KIF17: variants seen among roughly 807,000 people sequenced by gnomAD.
KIF17 encodes kinesin-like protein KIF17.
Under a neutral mutation model 96.8 loss-of-function variants are expected in KIF17, and 80 were observed. That is an observed-to-expected ratio of 0.83 (90% CI 0.69 to 1.00). The LOEUF (loss-of-function observed/expected upper bound fraction) is 1.00, where lower values mean the gene tolerates loss of function less well. Among genes scored for constraint, KIF17 ranks in the 50% least tolerant of loss-of-function variants. The probability of loss-of-function intolerance (pLI) is 0.00; values close to 1 mark genes in which losing one functional copy is unlikely to be tolerated. For synonymous variants in KIF17, 567 were observed against 587.5 expected, an observed-to-expected ratio of 0.97 and a Z score of 0.51; for missense variants, 1,280 against 1,372.9, an observed-to-expected ratio of 0.93 and a Z score of 1.07.
rs1370202614 is a variant in KIF17, at chr1:20,717,802, C to A, written c.-96G>T. On this transcript the variant is annotated 5_prime_UTR_variant, in exon 1 of 15. Transcript: ENST00000400463. ...CAAGGGGCGGGGCCAGCGCCGGCCA[C>A]GGGGGGCGGGGCCTTGAGGCAGGGG... The A allele has an allele frequency of 1.5e-6, 2 of 1,311,980 alleles. No homozygotes were observed. The highest frequency in any genetic ancestry group is 1.9e-6 in the Non-Finnish European group (2 of 1,028,638). 81.3% of individuals were successfully genotyped at this position (1,311,980 alleles called of 1,614,324 possible).
intron 3 of KIF17, among the ~76,000 whole-genome samples, chr1:20,711,568 C>T (rs1439885463): frequency 6.6e-6 from 1 of 152,134 alleles, no homozygotes; most frequent in African/African-American, 2.4e-5. Context: ...GGGAGGGGAG[C>T]CCTTGACACT....
Position 20,664,125 on chromosome 1 carries a change from C to T in KIF17, c.*459G>A, listed in dbSNP as rs1020787821. On this transcript the variant is annotated 3_prime_UTR_variant, in exon 15 of 15. Coordinates refer to ENST00000400463, the MANE Select transcript of KIF17 (RefSeq NM_001122819.3). ...GACCTGCTGTGGGACCCCTGTGCCA[C>T]CCCATGGGGCAGGGCAGTGCTTAGG... 1 of 246,574 alleles carries T rather than the reference C, an allele frequency of 4.1e-6. No individual in the cohort carries two copies. The highest frequency in any genetic ancestry group is 8.0e-6 in the Non-Finnish European group (1 of 124,866). 15.3% of individuals were successfully genotyped at this position (246,574 alleles called of 1,614,324 possible).
chr1:20,695,031 T>A (rs930567449), intron 6 of KIF17, among the ~76,000 whole-genome samples: 1 of 152,030 alleles, frequency 6.6e-6, no homozygotes, highest in Middle Eastern at 3.4e-3. Context: ...GGCACACACA[T>A]GCAGGCACAC....
In KIF17 at chr1:20,690,352, G is replaced by GGCCCCCA; in HGVS notation, c.1234-18_1234-17insTGGGGGC. 5 of 451,128 alleles carry GGCCCCCA rather than the reference G, an allele frequency of 1.1e-5. No individual in the cohort carries two copies. Among genetic ancestry groups the GGCCCCCA allele is most frequent in the Non-Finnish European group, 1.3e-5 (3 of 235,116 alleles). The allele number at this position is 451,128 out of a possible 1,614,324, so 27.9% of individuals were successfully genotyped here. A position where few individuals can be genotyped will look rare whatever the true frequency, so the allele number is the denominator to read the frequency against. ...TTCATACTCCTGGGGGGGTGGGAGGGACCAGAGGGCAGGCAGCATTTTATC... is the reference window on the plus strand; with the variant it reads ...TTCATACTCCTGGGGGGGTGGGAGGGGCCCCCAACCAGAGGGCAGGCAGCATTTTATC... On this transcript the variant is annotated splice_polypyrimidine_tract_variant and intron_variant, in intron 6 of 14. Transcript: ENST00000400463.
rs1377646785 is a variant in KIF17 at position 20,712,671 on chromosome 1, GATA to G, written c.480+780_480+782del. Among the ~76,000 whole-genome samples the G allele has an allele frequency of 5.3e-4, 36 of 67,594 alleles. 7 individuals are homozygous for G. Among genetic ancestry groups the G allele is most frequent in the East Asian group, 2.5e-3 (8 of 3,138 alleles). The allele number at this position is 67,594 out of a possible 152,430, so 44.3% of individuals were successfully genotyped here. A position where few individuals can be genotyped will look rare whatever the true frequency, so the allele number is the denominator to read the frequency against. On this transcript the variant is annotated intron_variant, in intron 3 of 14. Transcript: ENST00000400463. ...GATAATATTATCTATATATAATATA[GATA>G]ATATTATCTATATATAATATAGATA...
intron 5 of KIF17, among the ~76,000 whole-genome samples, chr1:20,701,414 G>T (rs1332853936): frequency 6.6e-6 from 1 of 152,080 alleles, no homozygotes; most frequent in African/African-American, 2.4e-5. Context: ...CTGGGCGGCA[G>T]AGCAAGACTC....
In KIF17 at chr1:20,682,620, A is replaced by G. The variant is rs202095343; in HGVS notation, c.2463+33T>C. 52 of 1,598,584 alleles carry G rather than the reference A, an allele frequency of 3.3e-5. 1 individual carries two copies. In the East Asian group the frequency reaches 6.0e-4, roughly 19 times the overall value. ...CGGGGGGTCTCACCCATCTCTGGGC[A>G]GCTGGGCATGGGGGGCTGCATCTGG... On this transcript the variant is annotated intron_variant, in intron 11 of 14. Coordinates refer to ENST00000400463, the MANE Select transcript of KIF17 (RefSeq NM_001122819.3).
chr1:20,696,049 G>A (rs530448537), intron 6 of KIF17, among the ~76,000 whole-genome samples: 517 of 152,280 alleles, frequency 3.4e-3, no homozygotes, highest in Non-Finnish European at 5.1e-3. Context: ...TATGATGCCT[G>A]TTCTGCAGAT....
chr1:20,685,057 G>C lies in KIF17; in HGVS notation c.2020-37C>G. On this transcript the variant is annotated intron_variant, in intron 9 of 14. Transcript: ENST00000400463. The surrounding 1 kb of genome is among the most constrained non-coding windows in gnomAD (Gnocchi z 4.1). ...GAGAAACCCAGGTGGAGGTGGGAAG[G>C]CCGCCCCAACCCCCGCCGACAGCTC... 6.5e-7 allele frequency: 1 copy of C among 1,529,614 alleles called. No homozygotes were observed. Among genetic ancestry groups the C allele is most frequent in the Non-Finnish European group, 8.9e-7 (1 of 1,125,598 alleles). The allele number at this position is 1,529,614 out of a possible 1,614,324, so 94.8% of individuals were successfully genotyped here. A position where few individuals can be genotyped will look rare whatever the true frequency, so the allele number is the denominator to read the frequency against.
At chr1:20,707,275 T>C (rs2054358926) in intron 4 of KIF17, among the ~76,000 whole-genome samples, 1 of 152,170 alleles carries the variant, frequency 6.6e-6, no homozygotes. Flanking sequence ...CATCGTGGCA[T>C]GACTTGCAGC....
In KIF17 at chr1:20,685,276, C is replaced by T. The variant is rs2053917639; in HGVS notation, c.2020-256G>A. ...CCTCCCACAATCCAGTCTCCACAGGCAGCCAGGGCCATCTTAAAATAGAAA... is the reference window on the plus strand; with the variant it reads ...CCTCCCACAATCCAGTCTCCACAGGTAGCCAGGGCCATCTTAAAATAGAAA... On this transcript the variant is annotated intron_variant, in intron 9 of 14. Coordinates refer to ENST00000400463, the MANE Select transcript of KIF17 (RefSeq NM_001122819.3). The surrounding 1 kb of genome is among the most constrained non-coding windows in gnomAD (Gnocchi z 4.1). 1.0e-5 allele frequency: 7 copies of T among 667,554 alleles called. No homozygotes were observed. In the South Asian group the frequency reaches 1.1e-4, roughly 10 times the overall value. 41.4% of individuals were successfully genotyped at this position (667,554 alleles called of 1,614,324 possible).
chr1:20,691,580 A>G (rs923956654), intron 6 of KIF17, among the ~76,000 whole-genome samples: 3 of 150,376 alleles, frequency 2.0e-5, no homozygotes, highest in Non-Finnish European at 3.0e-5. Flanking sequence ...CAGCCTCCCA[A>G]GTAGCTGGGA....
chr1:20,690,314 G>T lies in KIF17; in HGVS notation c.1255C>A (p.Arg419=), dbSNP rs369702366. 1 of 1,610,550 alleles carries T rather than the reference G, an allele frequency of 6.2e-7. No individual in the cohort carries two copies. The highest frequency in any genetic ancestry group is 1.3e-5 in the African/African-American group (1 of 74,176). The change falls in exon 7 of 15, where the codon CGG becomes AGG. Residue 419 remains arginine (R), a synonymous_variant. Coordinates refer to ENST00000400463, the MANE Select transcript of KIF17 (RefSeq NM_001122819.3). ...TCGGCCTTATAGTCGGCTTTCAGCCGGGCCAGGCGCTCTTCATACTCCTGG... is the reference window on the plus strand; with the variant it reads ...TCGGCCTTATAGTCGGCTTTCAGCCTGGCCAGGCGCTCTTCATACTCCTGG... ...IREEYEERLA[R]LKADYKAEQE... is the part of the protein sequence containing the mutation.
chr1:20,707,867 A>G (rs954607099), intron 4 of KIF17, among the ~76,000 whole-genome samples: 81 of 147,026 alleles, frequency 5.5e-4, no homozygotes, highest in African/African-American at 1.9e-3. Context: ...TATATAATAT[A>G]TACATTTATA....
intron 11 of KIF17, among the ~76,000 whole-genome samples, chr1:20,681,480 C>T (rs568273458): frequency 1.3e-5 from 2 of 152,040 alleles, no homozygotes; most frequent in South Asian, 2.1e-4. Context: ...GCGAGAGCCA[C>T]CGCGCCCAGC....
Position 20,704,300 on chromosome 1 carries a change from AGG to A in KIF17, c.1123+145_1123+146del, listed in dbSNP as rs2054300159. On this transcript the variant is annotated intron_variant, in intron 5 of 14. Coordinates refer to ENST00000400463, the MANE Select transcript of KIF17 (RefSeq NM_001122819.3). This position sits in a 1 kb window ranked among gnomAD's most constrained non-coding sequence, Gnocchi z 6.8. Reference sequence around the variant, plus strand: ...GATACCATCTGGGCCGTCTCCAACCAGGGCCCTGCGCTCACATGGGGCTGAGG... The same window carrying A: ...GATACCATCTGGGCCGTCTCCAACCAGCCCTGCGCTCACATGGGGCTGAGG... 1.5e-6 allele frequency: 1 copy of A among 677,262 alleles called. No individual in the cohort carries two copies. The highest frequency in any genetic ancestry group is 1.8e-5 in the African/African-American group (1 of 56,730). The allele number at this position is 677,262 out of a possible 1,614,324, so 42.0% of individuals were successfully genotyped here.
At chr1:20,711,435 G>T (rs182724358) in intron 3 of KIF17, among the ~76,000 whole-genome samples, 2 of 152,342 alleles carry the variant, frequency 1.3e-5, no homozygotes, top group Admixed American at 1.3e-4. Flanking sequence ...CGCGCACCAG[G>T]TTCCTTGGTA....
At chr1:20,674,229 C>T (rs1473339614) in intron 11 of KIF17, among the ~76,000 whole-genome samples, 9 of 151,758 alleles carry the variant, frequency 5.9e-5, no homozygotes, top group Admixed American at 3.9e-4. Context: ...GCACCCAGCA[C>T]GATAATTTTT....
rs1448564302 is a variant in KIF17 at position 20,685,746 on chromosome 1, C to T, written c.2019+300G>A. Among the ~76,000 whole-genome samples the T allele has an allele frequency of 1.3e-5, 2 of 152,220 alleles. No individual in the cohort carries two copies. Among genetic ancestry groups the T allele is most frequent in the East Asian group, 3.8e-4 (2 of 5,198 alleles). On this transcript the variant is annotated intron_variant, in intron 9 of 14. Coordinates refer to ENST00000400463, the MANE Select transcript of KIF17 (RefSeq NM_001122819.3). This position sits in a 1 kb window ranked among gnomAD's most constrained non-coding sequence, Gnocchi z 4.1. ...AGGGGCCACCAGCCCTGACCTGCAG[C>T]CCTCGTCCTTTGCACACACTGGGCC...
Sources: allele counts gnomAD v4.1 joint callset (sites outside exome capture counted in the v4.1 genomes callset), GRCh38; gene constraint gnomAD v4.1.1; non-coding constraint Gnocchi (gnomAD v3.1); transcripts MANE v1.5; gene names NCBI Gene and HGNC (gene_info 2026-07-23, HGNC 2026-07-21).